Variants in FAM227A observed in about 807,000 individuals in gnomAD.
FAM227A encodes protein FAM227A.
A neutral mutation model predicts 74.7 loss-of-function variants in FAM227A; 80 were observed. That is an observed-to-expected ratio of 1.07 (90% confidence interval 0.89 to 1.29). The LOEUF (loss-of-function observed/expected upper bound fraction) is 1.29. Among genes scored for constraint, FAM227A ranks in the 50% most tolerant of loss-of-function variants. The pLI, the probability that FAM227A is intolerant of heterozygous loss-of-function variation, is 0.00. For missense variants in FAM227A, 654 were observed against 683.4 expected (o/e 0.96, Z 0.48); for synonymous variants, 237 against 241.8 (o/e 0.98, Z 0.19).
At chr22:38,640,982 A>C (rs537949445) in intron 3 of FAM227A, among the ~76,000 whole-genome samples, 1 of 152,238 alleles carries the variant, frequency 6.6e-6, no homozygotes, top group South Asian at 2.1e-4. Context: ...CCAATTAAGT[A>C]AGCTGAAATT....
At chr22:38,623,332 G>A (rs2091731974) in intron 9 of FAM227A, 53 bp from the exon 10 acceptor site, 1 of 1,265,882 alleles carries the variant, frequency 7.9e-7, no homozygotes, top group Admixed American at 2.0e-5. Flanking sequence ...GATCACGCCT[G>A]TAATCCCAGA....
At position 38,586,016 on chromosome 22, in the gene FAM227A, C is replaced by G. The variant is rs1470800817; in HGVS notation, c.*109G>C. On this transcript the variant is annotated 3_prime_UTR_variant, in exon 17 of 17. Transcript: ENST00000535113. ...TTCCCCTATGGAGAAATCATGATTC[C>G]TATTTCTGTCTTTGGCCACAATTTT... 5 of 1,543,612 alleles carry G rather than the reference C, an allele frequency of 3.2e-6. No individual in the cohort carries two copies. The highest frequency in any genetic ancestry group is 4.4e-6 in the Non-Finnish European group (5 of 1,143,568).
At chr22:38,651,640 G>A (rs2092323266) in intron 1 of FAM227A, among the ~76,000 whole-genome samples, 1 of 152,002 alleles carries the variant, frequency 6.6e-6, no homozygotes, top group South Asian at 2.1e-4. Flanking sequence ...GGGATTACAG[G>A]CGTGAACCAC....
rs150254606 is a variant in FAM227A, at chr22:38,644,758, T to C, written c.225+805A>G. ...GGGTGTATGAAAAAAGTGTACTCTC[T>C]GCTCGATTTCGCTGTGAACTTATAA... On this transcript the variant is annotated intron_variant, in intron 3 of 16. Transcript: ENST00000535113. 5.9e-3 allele frequency among the ~76,000 whole-genome samples: 896 copies of C among 152,336 alleles called. 6 individuals carry two copies. Among genetic ancestry groups the C allele is most frequent in the African/African-American group, 0.021 (868 of 41,578 alleles).
chr22:38,593,320 C>T (rs1305421784), intron 15 of FAM227A, among the ~76,000 whole-genome samples: 5 of 152,230 alleles, frequency 3.3e-5, no homozygotes, highest in Admixed American at 1.3e-4. Context: ...CTGGCTAACA[C>T]GGTGAAACCC....
chr22:38,602,935 G>A (rs543428311), intron 13 of FAM227A, among the ~76,000 whole-genome samples: 5 of 152,152 alleles, frequency 3.3e-5, no homozygotes, highest in Admixed American at 6.5e-5. Context: ...GTGCAGTGAC[G>A]CAATCTCTGC....
chr22:38,612,480 C>T (rs1339704326), intron 11 of FAM227A, among the ~76,000 whole-genome samples: 1 of 152,178 alleles, frequency 6.6e-6, no homozygotes, highest in East Asian at 1.9e-4. Flanking sequence ...CAATGGCTGA[C>T]TCCTCATCTC....
chr22:38,607,349 A>G (rs1338721560), intron 12 of FAM227A, 40 bp downstream of exon 12: 1 of 1,443,260 alleles, frequency 6.9e-7, no homozygotes, highest in African/African-American at 1.4e-5. Context: ...ACAATAACTA[A>G]GCCAAAAGCC....
chr22:38,648,521 T>C lies in FAM227A; in HGVS notation c.142+1506A>G, dbSNP rs540136906. ...ACCTGGGAGGCTGAGGCAGGAGAAC[T>C]GCTTGAACCCGGGAGGTGGAGGTTG... On this transcript the variant is annotated intron_variant, in intron 2 of 16. Coordinates refer to ENST00000535113, the MANE Select transcript of FAM227A (RefSeq NM_001013647.2). Among the ~76,000 whole-genome samples, 10 of 150,708 alleles carry C rather than the reference T, an allele frequency of 6.6e-5. 1 individual carries two copies. In the East Asian group the frequency reaches 9.8e-4, roughly 15 times the overall value.
At chr22:38,625,104 C>T (rs1030268860) in intron 9 of FAM227A, among the ~76,000 whole-genome samples, 3 of 152,018 alleles carry the variant, frequency 2.0e-5, no homozygotes, top group Admixed American at 6.6e-5. Flanking sequence ...AAAAAGCAGA[C>T]ATCTGCCGGG....
intron 15 of FAM227A, among the ~76,000 whole-genome samples, chr22:38,596,455 A>G (rs2091046646): frequency 6.6e-6 from 1 of 152,224 alleles, no homozygotes; most frequent in African/African-American, 2.4e-5. Context: ...CTAAGGAAGG[A>G]GGATCACTTG....
rs1300834987 is a variant in FAM227A at position 38,628,314 on chromosome 22, A to G, written c.650T>C (p.Phe217Ser). 2.6e-6 allele frequency: 4 copies of G among 1,551,434 alleles called. No individual in the cohort carries two copies. The highest frequency in any genetic ancestry group is 3.9e-5 in the Admixed American group (2 of 50,978). ...QPNKELQNNL[F>S]DRIAQHYALL... ...GGCATAGTGCTGGGCTATCCGGTCA[A>G]ACAGATTATTCTGGAGCTCCTTGTT... Residue 217 changes from phenylalanine (F) to serine (S), a missense_variant, in exon 8 of 17, where the codon TTT becomes TCT. By Grantham distance (155) the Phe-to-Ser change is radical. Transcript: ENST00000535113.
At chr22:38,618,073 C>G (rs1338366576) in intron 11 of FAM227A, among the ~76,000 whole-genome samples, 1 of 152,180 alleles carries the variant, frequency 6.6e-6, no homozygotes, top group Non-Finnish European at 1.5e-5. Context: ...GAACATCATC[C>G]AGCCCAGAGG....
chr22:38,650,191 C>A lies in FAM227A; in HGVS notation c.-23G>T, dbSNP rs754238584. 11 of 1,549,296 alleles carry A rather than the reference C, an allele frequency of 7.1e-6. No individual in the cohort carries two copies. The South Asian group carries it at 1.3e-4, about 19-fold the overall frequency. On this transcript the variant is annotated 5_prime_UTR_variant, in exon 2 of 17. Coordinates refer to ENST00000535113, the MANE Select transcript of FAM227A (RefSeq NM_001013647.2). ...CATTGTCCAATTTCTTGTAAATGGA[C>A]AAACAAAAAGCTTCCACTTTTAAGA...
intron 6 of FAM227A, among the ~76,000 whole-genome samples, chr22:38,629,164 A>G (rs981697841): frequency 1.3e-5 from 2 of 152,182 alleles, no homozygotes; most frequent in African/African-American, 4.8e-5. Context: ...CTGAGCCAGG[A>G]CTGGAACCCA....
At chr22:38,610,183 TA>T (rs1020392684) in intron 11 of FAM227A, among the ~76,000 whole-genome samples, 13 of 151,768 alleles carry the variant, frequency 8.6e-5, no homozygotes, top group African/African-American at 2.7e-4. Flanking sequence ...CTGGCTAATT[TA>T]AAAAAAAATT....
At chr22:38,620,424 A>G (rs117067187) in intron 10 of FAM227A, 133 bp from the exon 11 acceptor site, 15,433 of 671,618 alleles carry the variant, frequency 0.023, 242 homozygotes, top group Middle Eastern at 0.04. Flanking sequence ...TGTTGACTCC[A>G]CCTGCTGGGC....
intron 13 of FAM227A, among the ~76,000 whole-genome samples, chr22:38,601,442 G>T (rs1035266154): frequency 6.6e-6 from 1 of 152,098 alleles, no homozygotes; most frequent in African/African-American, 2.4e-5. Flanking sequence ...TGGCTCACAG[G>T]GGTGGGGGCG....
intron 6 of FAM227A, among the ~76,000 whole-genome samples, chr22:38,635,583 C>T (rs934129843): frequency 1.3e-5 from 2 of 152,182 alleles, no homozygotes; most frequent in Admixed American, 6.5e-5. Context: ...CCTTAGAATA[C>T]TTCCTTGCTT....
Sources: gnomAD v4.1 joint callset for allele counts (sites outside exome capture counted in the v4.1 genomes callset) on GRCh38, gnomAD v4.1.1 for gene constraint, MANE v1.5 for transcripts, NCBI Gene and HGNC (gene_info 2026-07-23, HGNC 2026-07-21) for gene names.